The following WNK1 variants were observed in gnomAD, a reference collection of about 807,000 sequenced individuals.
WNK1 encodes the protein WNK lysine deficient protein kinase 1, also known as serine/threonine-protein kinase WNK1.
WNK1 carries 38 observed loss-of-function variants against 222.8 expected under a neutral mutation model. That is an observed-to-expected ratio of 0.17 (90% CI 0.13 to 0.22). The LOEUF is 0.22. Among genes scored for constraint, WNK1 ranks in the 10% least tolerant of loss-of-function variants. The pLI, the probability that WNK1 is intolerant of heterozygous loss-of-function variation, is 1.00. For missense variants in WNK1, 2,348 were observed against 2,918.4 expected, an observed-to-expected ratio of 0.80 and a Z score of 4.50; for synonymous variants, 1,090 against 1,092.9, an observed-to-expected ratio of 1.00 and a Z score of 0.05.
chr12:788,120 C>T (rs923092568), intron 1 of WNK1, among the ~76,000 whole-genome samples: 3 of 151,978 alleles, frequency 2.0e-5, no homozygotes, highest in Non-Finnish European at 4.4e-5. Context: ...GACCCAACCA[C>T]ATAATTGAGG....
chr12:855,989 G>T (rs1455505169), intron 4 of WNK1, among the ~76,000 whole-genome samples: 2 of 151,724 alleles, frequency 1.3e-5, no homozygotes, highest in African/African-American at 2.4e-5. Context: ...ACAGGCATGC[G>T]CCACCACGCC....
At chr12:866,330 G>A (rs1951665183) in intron 8 of WNK1, among the ~76,000 whole-genome samples, 2 of 152,304 alleles carry the variant, frequency 1.3e-5, no homozygotes, top group East Asian at 1.9e-4. Context: ...AAAAGCGGGG[G>A]AGGCTGTGAT....
chr12:865,863 C>T (rs1319523079), intron 8 of WNK1, among the ~76,000 whole-genome samples: 1 of 151,378 alleles, frequency 6.6e-6, no homozygotes, highest in Non-Finnish European at 1.5e-5. Context: ...TTAATTTAAT[C>T]ATTTATGTAA....
intron 1 of WNK1, among the ~76,000 whole-genome samples, chr12:793,001 A>G (rs951757679): frequency 3.9e-5 from 6 of 152,174 alleles, no homozygotes; most frequent in African/African-American, 1.4e-4. Context: ...CAAGGTTTAA[A>G]TGAGACTACA....
chr12:793,360 A>G (rs1395115537), intron 1 of WNK1, among the ~76,000 whole-genome samples: 1 of 152,194 alleles, frequency 6.6e-6, no homozygotes, highest in Non-Finnish European at 1.5e-5. Context: ...AAAGGAGAAA[A>G]CGTGTTGGTT....
intron 10 of WNK1, among the ~76,000 whole-genome samples, chr12:879,297 A>C (rs1313951986): frequency 6.6e-6 from 1 of 151,954 alleles, no homozygotes; most frequent in Non-Finnish European, 1.5e-5. Context: ...TTCTATTGCC[A>C]AATGCTGAAG....
chr12:889,711 G>A (rs1475558899), intron 21 of WNK1, among the ~76,000 whole-genome samples: 3 of 152,046 alleles, frequency 2.0e-5, no homozygotes, highest in South Asian at 4.1e-4. Context: ...CCAGCTACTC[G>A]GGAGGCTGAG....
chr12:875,369 C>A (rs556450514), intron 9 of WNK1, among the ~76,000 whole-genome samples: 2 of 152,076 alleles, frequency 1.3e-5, no homozygotes. Flanking sequence ...TGAACAACAA[C>A]AAACCAAAAA....
rs990657927 is a variant in WNK1 at position 910,026 on chromosome 12, G to T, written c.*1234G>T. On this transcript the variant is annotated 3_prime_UTR_variant, in exon 28 of 28. Transcript: ENST00000315939. ...GTGAAAGACAAAGACTAAAGAATGAGGAAACAAACGTGATGCCTGGCCAGT... is the reference window on the plus strand; with the variant it reads ...GTGAAAGACAAAGACTAAAGAATGATGAAACAAACGTGATGCCTGGCCAGT... 2 of 151,910 alleles carry T rather than the reference G, an allele frequency of 1.3e-5. No homozygotes were observed. The highest frequency in any genetic ancestry group is 4.8e-5 in the African/African-American group (2 of 41,328). The allele number at this position is 151,910 out of a possible 1,614,324, so 9.4% of individuals were successfully genotyped here.
chr12:792,920 C>G (rs1019160403), intron 1 of WNK1, among the ~76,000 whole-genome samples: 1 of 151,902 alleles, frequency 6.6e-6, no homozygotes, highest in Non-Finnish European at 1.5e-5. Context: ...AGAGACACAA[C>G]TTGGATATAA....
intron 1 of WNK1, among the ~76,000 whole-genome samples, chr12:808,578 C>A (rs1228269941): frequency 1.3e-5 from 2 of 151,872 alleles, no homozygotes; most frequent in Admixed American, 6.6e-5. Flanking sequence ...CCTGTATATG[C>A]CAAGTCCCAG....
In WNK1 at chr12:754,255, C is replaced by T. The variant is rs773215234; in HGVS notation, c.690C>T (p.Gly230=). 1.2e-5 allele frequency: 20 copies of T among 1,613,490 alleles called. No individual in the cohort carries two copies. The highest frequency in any genetic ancestry group is 1.4e-5 in the Non-Finnish European group (17 of 1,180,038). ...FLKFDIEIGR[G]SFKTVYKGLD... is the part of the protein sequence containing the mutation. ...AGTTTGACATCGAAATCGGCAGAGGCTCCTTTAAGACGGTCTACAAAGGTC... is the reference window on the plus strand; with the variant it reads ...AGTTTGACATCGAAATCGGCAGAGGTTCCTTTAAGACGGTCTACAAAGGTC... Residue 230 remains glycine (G), a synonymous_variant, in exon 1 of 28, where the codon GGC becomes GGT. Transcript: ENST00000315939.
intron 1 of WNK1, among the ~76,000 whole-genome samples, chr12:803,354 A>G (rs1441417586): frequency 6.6e-6 from 1 of 152,248 alleles, no homozygotes; most frequent in African/African-American, 2.4e-5. Context: ...ACAGTATAGT[A>G]TATCATTCAT....
At chr12:904,511 T>C (rs1170151536) in intron 26 of WNK1, 1 of 1,288,926 alleles carries the variant, frequency 7.8e-7, no homozygotes, top group East Asian at 5.5e-5. Flanking sequence ...ATCTTTTCTG[T>C]TATTTTTGGT....
At chr12:852,395 G>T (rs1343379302) in intron 4 of WNK1, among the ~76,000 whole-genome samples, 2 of 152,034 alleles carry the variant, frequency 1.3e-5, no homozygotes, top group African/African-American at 4.8e-5. Flanking sequence ...AGATATTCAA[G>T]AAATACTTAT....
intron 1 of WNK1, among the ~76,000 whole-genome samples, chr12:802,351 C>A (rs185115603): frequency 6.6e-6 from 1 of 152,190 alleles, no homozygotes; most frequent in Non-Finnish European, 1.5e-5. Context: ...GAAACATTTC[C>A]TCTAGATAAA....
At chr12:804,878 A>C (rs1042286411) in intron 1 of WNK1, among the ~76,000 whole-genome samples, 4 of 121,184 alleles carry the variant, frequency 3.3e-5, no homozygotes, top group African/African-American at 1.2e-4. Context: ...GAGTTGTACC[A>C]TGTGTCAAAA....
At chr12:877,437 G>A (rs1952733748) in intron 9 of WNK1, among the ~76,000 whole-genome samples, 1 of 152,032 alleles carries the variant, frequency 6.6e-6, no homozygotes, top group Non-Finnish European at 1.5e-5. Flanking sequence ...GGTTTTGTTT[G>A]CTTGATTTAT....
At chr12:795,210 T>C (rs545014397) in intron 1 of WNK1, among the ~76,000 whole-genome samples, 1 of 152,190 alleles carries the variant, frequency 6.6e-6, no homozygotes, top group Non-Finnish European at 1.5e-5. Flanking sequence ...TGAAGTGATC[T>C]GGGCCTGGGC....
Sources: gnomAD v4.1 joint callset for allele counts (sites outside exome capture counted in the v4.1 genomes callset) on GRCh38, gnomAD v4.1.1 for gene constraint, MANE v1.5 for transcripts, NCBI Gene and HGNC (gene_info 2026-07-23, HGNC 2026-07-21) for gene names.